TF: variants seen among roughly 807,000 people sequenced by gnomAD.
TF encodes the protein transferrin.
In TF, 55 loss-of-function variants were observed where a neutral mutation model predicts 82.4. The ratio of observed to expected loss-of-function variants is 0.67; its 90% confidence interval spans 0.54 to 0.84. TF has a LOEUF of 0.84. Ranked by LOEUF, TF falls within the 40% of genes least tolerant of loss-of-function variation. The pLI is 0.00. For synonymous variants in TF, 332 were observed against 332.6 expected, an observed-to-expected ratio of 1.00 and a Z score of 0.02; for missense variants, 737 against 868.4, an observed-to-expected ratio of 0.85 and a Z score of 1.90.
chr3:133,679,536 G>A, the TF span, among the ~76,000 whole-genome samples: 1 of 142,012 alleles, frequency 7.0e-6, no homozygotes, highest in Non-Finnish European at 1.5e-5. Flanking sequence ...TTTCACCTAA[G>A]TGGAATCATA....
At chr3:133,740,489 C>T in the TF span, among the ~76,000 whole-genome samples, 1 of 152,176 alleles carries the variant, frequency 6.6e-6, no homozygotes, top group African/African-American at 2.4e-5. Flanking sequence ...TGCTACCATG[C>T]CCGGCTAATT....
At chr3:133,751,765 G>C (rs1403442093) in intron 2 of TF, among the ~76,000 whole-genome samples, 2 of 152,094 alleles carry the variant, frequency 1.3e-5, no homozygotes, top group Non-Finnish European at 2.9e-5. Context: ...GCCGAGGCGG[G>C]TGGATCACCT....
rs1308618669 is a variant in TF at position 133,787,339 on chromosome 3, T to G, written c.*8719T>G. Reference sequence around the variant, plus strand: ...TAAGCGTTACACATGCCTGTACCTGTCCACTGGATTGAAGACAGAGAGAAG... The same window carrying G: ...TAAGCGTTACACATGCCTGTACCTGGCCACTGGATTGAAGACAGAGAGAAG... On this transcript the variant is annotated 3_prime_UTR_variant, in exon 17 of 17. Coordinates refer to ENST00000402696, the MANE Select transcript of TF (RefSeq NM_001063.4). The G allele has an allele frequency of 2.6e-5, 4 of 152,198 alleles. No individual in the cohort carries two copies. The highest frequency in any genetic ancestry group is 9.7e-5 in the African/African-American group (4 of 41,442). 9.4% of individuals were successfully genotyped at this position (152,198 alleles called of 1,614,324 possible).
Position 133,792,751 on chromosome 3 carries a change from G to A in TF, c.*14131G>A, listed in dbSNP as rs1934872379. On this transcript the variant is annotated 3_prime_UTR_variant, in exon 17 of 17. Transcript: ENST00000402696. ...TTTCTGTCTAAAGGGTTAAAGGATT[G>A]TTTTAAGTTAGGATAAAGCTAAAAG... 6.6e-6 allele frequency: 1 copy of A among 152,122 alleles called. No homozygotes were observed. Among genetic ancestry groups the A allele is most frequent in the Admixed American group, 6.5e-5 (1 of 15,272 alleles). The allele number at this position is 152,122 out of a possible 1,614,324, so 9.4% of individuals were successfully genotyped here. A position where few individuals can be genotyped will look rare whatever the true frequency, so the allele number is the denominator to read the frequency against.
At chr3:133,725,248 G>A in the TF span, among the ~76,000 whole-genome samples, 1 of 152,200 alleles carries the variant, frequency 6.6e-6, no homozygotes, top group Non-Finnish European at 1.5e-5. Flanking sequence ...ACCTTGGGCA[G>A]TATGGCCATT....
chr3:133,696,307 T>A, the TF span, among the ~76,000 whole-genome samples: 2 of 151,832 alleles, frequency 1.3e-5, no homozygotes, highest in African/African-American at 4.8e-5. Flanking sequence ...AAAAAAAAAA[T>A]GGTTCTTTTT....
chr3:133,672,658 T>C, the TF span, among the ~76,000 whole-genome samples: 5,420 of 142,624 alleles, frequency 0.038, 362 homozygotes, highest in African/African-American at 0.13. Context: ...GCCTAGGAGG[T>C]GGAGCCTTCA....
chr3:133,698,211 A>G, the TF span, among the ~76,000 whole-genome samples: 2 of 152,184 alleles, frequency 1.3e-5, no homozygotes, highest in African/African-American at 4.8e-5. Flanking sequence ...CTTTCACTTC[A>G]ATCAATCTGC....
the TF span, among the ~76,000 whole-genome samples, chr3:133,739,688 G>A: frequency 0.015 from 2,260 of 150,172 alleles, 32 homozygotes; most frequent in Non-Finnish European, 0.019. Context: ...CAAAGGATAT[G>A]TCACAAAAGA....
intron 8 of TF, among the ~76,000 whole-genome samples, chr3:133,758,679 CTT>C (rs1257652257): frequency 2.0e-5 from 3 of 152,182 alleles, no homozygotes; most frequent in Non-Finnish European, 4.4e-5. Context: ...GGAAGTGACT[CTT>C]GAGCTCAGTC....
chr3:133,711,892 G>A, the TF span, among the ~76,000 whole-genome samples: 1 of 151,884 alleles, frequency 6.6e-6, no homozygotes, highest in African/African-American at 2.4e-5. Context: ...AGTCCTGAAG[G>A]CCTCCATGAG....
the TF span, among the ~76,000 whole-genome samples, chr3:133,670,525 G>A: frequency 6.6e-6 from 1 of 152,168 alleles, no homozygotes; most frequent in Non-Finnish European, 1.5e-5. Flanking sequence ...TCTAGGGTCG[G>A]GGGCACAGTG....
the TF span, among the ~76,000 whole-genome samples, chr3:133,673,276 T>C: frequency 6.6e-6 from 1 of 152,150 alleles, no homozygotes; most frequent in Admixed American, 6.5e-5. Context: ...ACTGACCTTA[T>C]TCATATAAGA....
chr3:133,671,795 G>GAAAAAAAAA, the TF span, among the ~76,000 whole-genome samples: 1 of 54,522 alleles, frequency 1.8e-5, no homozygotes. Context: ...TCTGTCAAAA[G>GAAAAAAAAA]AAAAAAAAAA....
chr3:133,672,212 T>C, the TF span, among the ~76,000 whole-genome samples: 1 of 152,164 alleles, frequency 6.6e-6, no homozygotes, highest in Non-Finnish European at 1.5e-5. Flanking sequence ...AGAAACTCAA[T>C]CTGTTATCAA....
the TF span, among the ~76,000 whole-genome samples, chr3:133,737,284 T>C: frequency 6.6e-6 from 1 of 152,088 alleles, no homozygotes; most frequent in South Asian, 2.1e-4. Context: ...AAAGACACAA[T>C]GTACCAGAAT....
At chr3:133,698,694 C>T in the TF span, among the ~76,000 whole-genome samples, 2 of 152,188 alleles carry the variant, frequency 1.3e-5, no homozygotes, top group Non-Finnish European at 2.9e-5. Context: ...AGTGTGACCG[C>T]ATCTTAACTA....
rs191971077 is a variant in TF, at chr3:133,786,740, A to G, written c.*8120A>G. On this transcript the variant is annotated 3_prime_UTR_variant, in exon 17 of 17. Coordinates refer to ENST00000402696, the MANE Select transcript of TF (RefSeq NM_001063.4). ...TGGAGATGGGAAGGTGTAGGCCAGA[A>G]TGTTCATACTTGGAAGACTCAGTCA... The G allele has an allele frequency of 6.6e-6, 1 of 152,338 alleles. No homozygotes were observed. The highest frequency in any genetic ancestry group is 1.9e-4 in the East Asian group (1 of 5,192). The allele number at this position is 152,338 out of a possible 1,614,324, so 9.4% of individuals were successfully genotyped here.
intron 11 of TF, among the ~76,000 whole-genome samples, chr3:133,765,712 A>C (rs1303436714): frequency 6.6e-6 from 1 of 152,262 alleles, no homozygotes; most frequent in African/African-American, 2.4e-5. Context: ...TTAAACTGGC[A>C]AACTGAAATC....
Sources: gnomAD v4.1 joint callset for allele counts (sites outside exome capture counted in the v4.1 genomes callset) on GRCh38, gnomAD v4.1.1 for gene constraint, MANE v1.5 for transcripts, NCBI Gene and HGNC (gene_info 2026-07-23, HGNC 2026-07-21) for gene names.